ENPP3: variants seen among roughly 807,000 people sequenced by gnomAD.
ENPP3 encodes the protein ectonucleotide pyrophosphatase/phosphodiesterase family member 3.
In ENPP3, 104 loss-of-function variants were observed where a neutral mutation model predicts 117.8. The observed-to-expected ratio is 0.88, with a 90% CI of 0.75 to 1.04. The LOEUF is 1.04. ENPP3 is among the 50% of genes least tolerant of loss of function. The pLI, the probability that ENPP3 is intolerant of heterozygous loss-of-function variation, is 0.00. For synonymous variants in ENPP3, 380 were observed against 349.9 expected, an observed-to-expected ratio of 1.09 and a Z score of -0.96; for missense variants, 1,026 against 1,051.9, an observed-to-expected ratio of 0.98 and a Z score of 0.34.
At chr6:131,711,345 C>T (rs1779786923) in intron 15 of ENPP3, among the ~76,000 whole-genome samples, 1 of 146,002 alleles carries the variant, frequency 6.8e-6, no homozygotes, top group South Asian at 2.1e-4. Flanking sequence ...TTTAAAATTG[C>T]TGTCTTCTTC....
chr6:131,747,014 A>G lies in ENPP3; in HGVS notation c.*58A>G, dbSNP rs1460572684. ...GTATAAAGTAATTTTGGCAAAATAT[A>G]AGTGATTTTTTTCTGGAGAATTGTA... is the stretch of plus-strand genomic sequence containing the variant. On this transcript the variant is annotated 3_prime_UTR_variant, in exon 25 of 25. Coordinates refer to ENST00000357639, the MANE Select transcript of ENPP3 (RefSeq NM_005021.5). 1 of 925,690 alleles carries G rather than the reference A, an allele frequency of 1.1e-6. No individual in the cohort carries two copies. Among genetic ancestry groups the G allele is most frequent in the African/African-American group, 1.8e-5 (1 of 56,986 alleles). The allele number at this position is 925,690 out of a possible 1,614,324, so 57.3% of individuals were successfully genotyped here.
At chr6:131,656,494 A>AAAGAATTG (rs1382250348) in intron 5 of ENPP3, among the ~76,000 whole-genome samples, 7 of 152,172 alleles carry the variant, frequency 4.6e-5, no homozygotes, top group Non-Finnish European at 1.5e-5. Flanking sequence ...TAGGCCGGGC[A>AAAGAATTG]TGGTGGCTCA....
chr6:131,674,695 G>T (rs991837658), intron 8 of ENPP3, among the ~76,000 whole-genome samples: 2 of 151,250 alleles, frequency 1.3e-5, no homozygotes, highest in African/African-American at 4.9e-5. Context: ...TCAGCCTCCC[G>T]AGTAGCTGGG....
intron 6 of ENPP3, among the ~76,000 whole-genome samples, chr6:131,668,114 A>G (rs1041002649): frequency 6.6e-6 from 1 of 151,920 alleles, no homozygotes; most frequent in Non-Finnish European, 1.5e-5. Flanking sequence ...CCATTTGTAC[A>G]GATATCTTAA....
At chr6:131,680,734 G>A (rs1490372631) in intron 11 of ENPP3, among the ~76,000 whole-genome samples, 2 of 152,196 alleles carry the variant, frequency 1.3e-5, no homozygotes, top group Non-Finnish European at 2.9e-5. Flanking sequence ...CATTCACTAA[G>A]TGGAAAACTT....
intron 5 of ENPP3, among the ~76,000 whole-genome samples, chr6:131,657,143 A>G (rs540569534): frequency 6.6e-6 from 1 of 152,338 alleles, no homozygotes; most frequent in East Asian, 1.9e-4. Flanking sequence ...ACTGCAGTTC[A>G]AACGGTCCCA....
intron 15 of ENPP3, among the ~76,000 whole-genome samples, chr6:131,696,951 A>G (rs1779421349): frequency 6.6e-6 from 1 of 151,890 alleles, no homozygotes; most frequent in East Asian, 1.9e-4. Flanking sequence ...TTGTATTTCT[A>G]GTAGAGACGA....
chr6:131,664,969 G>A (rs1778587394), intron 6 of ENPP3, among the ~76,000 whole-genome samples: 1 of 152,108 alleles, frequency 6.6e-6, no homozygotes, highest in Admixed American at 6.5e-5. Context: ...AAAGGGTGTT[G>A]AATTTTATCA....
At chr6:131,686,055 A>G (rs1157310646) in intron 14 of ENPP3, 148 bp downstream of exon 14, 5 of 462,680 alleles carry the variant, frequency 1.1e-5, no homozygotes, top group Non-Finnish European at 1.6e-5. Flanking sequence ...TTATATGCAT[A>G]TTAGTTGCTT....
In ENPP3 at chr6:131,671,300, C is replaced by A; in HGVS notation, c.615C>A (p.Thr205=). Residue 205 remains threonine (T), a synonymous_variant, in exon 7 of 25, where the codon ACC becomes ACA. Coordinates refer to ENST00000357639, the MANE Select transcript of ENPP3 (RefSeq NM_005021.5). The stretch of plus-strand genomic sequence containing the variant: ...TGAGAGCTATGTATCCTACCAAAAC[C>A]TTCCCAAATCATTACACCATTGTCA... ...KYMRAMYPTK[T]FPNHYTIVTG... The A allele has an allele frequency of 6.2e-7, 1 of 1,606,038 alleles. No individual in the cohort carries two copies. The highest frequency in any genetic ancestry group is 1.1e-5 in the South Asian group (1 of 90,928).
chr6:131,739,006 T>C (rs1259327997), intron 23 of ENPP3, among the ~76,000 whole-genome samples: 1 of 152,186 alleles, frequency 6.6e-6, no homozygotes. Flanking sequence ...TAATTCAAAC[T>C]TTGACAGCAT....
At chr6:131,689,023 G>A (rs1391871887) in intron 14 of ENPP3, among the ~76,000 whole-genome samples, 3 of 151,822 alleles carry the variant, frequency 2.0e-5, no homozygotes, top group Non-Finnish European at 4.4e-5. Flanking sequence ...CTGAGATCAC[G>A]CCACTGCACT....
intron 2 of ENPP3, among the ~76,000 whole-genome samples, chr6:131,643,948 T>A (rs940138108): frequency 6.2e-5 from 9 of 145,782 alleles, no homozygotes; most frequent in Non-Finnish European, 1.1e-4. Flanking sequence ...TGTGTCTGTG[T>A]GTGTGTGTGT....
At chr6:131,674,089 G>T in intron 7 of ENPP3, 73 bp from the exon 8 acceptor site, 1 of 894,936 alleles carries the variant, frequency 1.1e-6, no homozygotes, top group South Asian at 1.7e-5. Context: ...GTAATAGATC[G>T]TGTGCTATTT....
At chr6:131,692,097 C>G (rs550587926) in intron 14 of ENPP3, among the ~76,000 whole-genome samples, 3 of 151,810 alleles carry the variant, frequency 2.0e-5, no homozygotes, top group African/African-American at 7.2e-5. Context: ...TCTAAATTGA[C>G]CCTGAGATAA....
At chr6:131,727,411 C>T (rs1416874859) in intron 20 of ENPP3, among the ~76,000 whole-genome samples, 2 of 151,960 alleles carry the variant, frequency 1.3e-5, no homozygotes, top group Non-Finnish European at 2.9e-5. Flanking sequence ...CAAAATTAGG[C>T]AGGCGGGGTG....
intron 22 of ENPP3, among the ~76,000 whole-genome samples, 178 bp from the exon 23 acceptor site, chr6:131,737,853 A>G (rs1340188166): frequency 2.0e-5 from 3 of 152,202 alleles, no homozygotes; most frequent in Admixed American, 1.3e-4. Flanking sequence ...ACAAAAAGCT[A>G]TCATCAATGT....
At chr6:131,701,625 A>G (rs1262029806) in intron 15 of ENPP3, among the ~76,000 whole-genome samples, 4 of 149,512 alleles carry the variant, frequency 2.7e-5, no homozygotes, top group African/African-American at 5.0e-5. Flanking sequence ...TCACGCCTGT[A>G]ATCCCAGCAC....
At chr6:131,658,208 C>A in intron 5 of ENPP3, 115 bp from the exon 6 acceptor site, 2 of 653,116 alleles carry the variant, frequency 3.1e-6, no homozygotes, top group Non-Finnish European at 5.4e-6. Context: ...CTGGCTATGG[C>A]CCAAAAGTTA....
Sources: allele counts gnomAD v4.1 joint callset (sites outside exome capture counted in the v4.1 genomes callset), GRCh38; gene constraint gnomAD v4.1.1; transcripts MANE v1.5; gene names NCBI Gene and HGNC (gene_info 2026-07-23, HGNC 2026-07-21).